The following LSM14B variants were observed in gnomAD, a reference collection of about 807,000 sequenced individuals.
The protein encoded by LSM14B is protein LSM14 homolog B.
In LSM14B, 8 loss-of-function variants were observed where a neutral mutation model predicts 42.1. The ratio of observed to expected loss-of-function variants is 0.19; its 90% CI spans 0.11 to 0.34. The LOEUF (loss-of-function observed/expected upper bound fraction) is 0.34, where lower values mean the gene tolerates loss of function less well. LSM14B is among the 10% of genes least tolerant of loss of function. The probability of loss-of-function intolerance (pLI) is 1.00; values close to 1 mark genes in which losing one functional copy is unlikely to be tolerated. For missense variants in LSM14B, 396 were observed against 513.1 expected, an observed-to-expected ratio of 0.77 and a Z score of 2.21; for synonymous variants, 219 against 209.7, an observed-to-expected ratio of 1.04 and a Z score of -0.38.
intron 7 of LSM14B, among the ~76,000 whole-genome samples, chr20:62,132,499 C>T (rs2056795476): frequency 6.6e-6 from 1 of 152,170 alleles, no homozygotes; most frequent in Non-Finnish European, 1.5e-5. Flanking sequence ...GCACAGGTGG[C>T]TTGGAACCAG....
In LSM14B at chr20:62,122,613, GCCGCGGCCCGGCGCTCCTTCCCCA is replaced by G. The variant is rs978786076; in HGVS notation, c.-43_-20del. On this transcript the variant is annotated 5_prime_UTR_variant, in exon 1 of 9. Transcript: ENST00000279068. This position sits in a 1 kb window ranked among gnomAD's most constrained non-coding sequence, Gnocchi z 4.6. ...AGGCCACCGCGCGGCGGCGGAGCGG[GCCGCGGCCCGGCGCTCCTTCCCCA>G]CCGCGGCCCGACGCACCCCGGCCGC... is the stretch of plus-strand genomic sequence containing the variant. 37 of 1,107,352 alleles carry G rather than the reference GCCGCGGCCCGGCGCTCCTTCCCCA, an allele frequency of 3.3e-5. No homozygotes were observed. The highest frequency in any genetic ancestry group is 7.3e-5 in the East Asian group (1 of 13,774). The allele number at this position is 1,107,352 out of a possible 1,614,324, so 68.6% of individuals were successfully genotyped here.
At position 62,122,619 on chromosome 20, in the gene LSM14B, G is replaced by T; in HGVS notation, c.-48G>T. On this transcript the variant is annotated 5_prime_UTR_variant, in exon 1 of 9. Transcript: ENST00000279068. This position sits in a 1 kb window ranked among gnomAD's most constrained non-coding sequence, Gnocchi z 4.6. The stretch of plus-strand genomic sequence containing the variant: ...CCGCGCGGCGGCGGAGCGGGCCGCG[G>T]CCCGGCGCTCCTTCCCCACCGCGGC... The T allele has an allele frequency of 8.4e-7, 1 of 1,187,844 alleles. No homozygotes were observed. The highest frequency in any genetic ancestry group is 1.1e-6 in the Non-Finnish European group (1 of 937,490). The allele number at this position is 1,187,844 out of a possible 1,614,324, so 73.6% of individuals were successfully genotyped here. A position where few individuals can be genotyped will look rare whatever the true frequency, so the allele number is the denominator to read the frequency against.
intron 8 of LSM14B, 101 bp from the exon 9 acceptor site, chr20:62,134,062 C>T: frequency 2.7e-6 from 1 of 367,382 alleles, no homozygotes; most frequent in Admixed American, 3.8e-5. Context: ...GCCAGTCTGA[C>T]TCTGGGGGCA....
At chr20:62,127,369 G>A (rs924345389) in intron 3 of LSM14B, among the ~76,000 whole-genome samples, 1 of 152,204 alleles carries the variant, frequency 6.6e-6, no homozygotes, top group African/African-American at 2.4e-5. Flanking sequence ...AGGTCTGTAG[G>A]CCACTTGCTG....
Position 62,134,321 on chromosome 20 carries a change from G to A in LSM14B, c.*173G>A. 1 of 471,864 alleles carries A rather than the reference G, an allele frequency of 2.1e-6. No homozygotes were observed. Among genetic ancestry groups the A allele is most frequent in the Non-Finnish European group, 4.4e-6 (1 of 227,206 alleles). 29.2% of individuals were successfully genotyped at this position (471,864 alleles called of 1,614,324 possible). Reference sequence around the variant, plus strand: ...TTAACTGAACTTGGACATGGTCTGAGTTAGAACCACTTGTTTTGGGGAAGT... The same window carrying A: ...TTAACTGAACTTGGACATGGTCTGAATTAGAACCACTTGTTTTGGGGAAGT... On this transcript the variant is annotated 3_prime_UTR_variant, in exon 9 of 9. Transcript: ENST00000279068.
In LSM14B at chr20:62,133,608, G is replaced by A. The variant is rs1238516544; in HGVS notation, c.*14+133G>A. ...GGCCCAGAGGTGTCAAAGCCAAACC[G>A]AGGGCCTCGACCCTATGAGTCACCC... On this transcript the variant is annotated intron_variant, in intron 8 of 8. Coordinates refer to ENST00000279068, the MANE Select transcript of LSM14B (RefSeq NM_144703.3). 27 of 1,035,982 alleles carry A rather than the reference G, an allele frequency of 2.6e-5. No individual in the cohort carries two copies. The Middle Eastern group carries it at 1.6e-3, about 60-fold the overall frequency. 64.2% of individuals were successfully genotyped at this position (1,035,982 alleles called of 1,614,324 possible). A position where few individuals can be genotyped will look rare whatever the true frequency, so the allele number is the denominator to read the frequency against.
chr20:62,126,200 C>CT (rs2056595695), intron 2 of LSM14B, 104 bp from the exon 3 acceptor site: 1 of 1,552,798 alleles, frequency 6.4e-7, no homozygotes, highest in East Asian at 2.3e-5. Context: ...AGGGTGCAGG[C>CT]TGATGGGACG....
In LSM14B at chr20:62,130,297, G is replaced by A; in HGVS notation, c.673+1G>A. 6.3e-7 allele frequency: 1 copy of A among 1,588,892 alleles called. No individual in the cohort carries two copies. The highest frequency in any genetic ancestry group is 8.6e-7 in the Non-Finnish European group (1 of 1,167,638). ...AGAAGACCTCAGAGGAGGCGATCAG[G>A]TAACACCTGTTGCCACTTGATTTCT... On this transcript the variant is annotated splice_donor_variant, in intron 5 of 8. Transcript: ENST00000279068. LOFTEE classifies it high-confidence loss of function. The surrounding 1 kb of genome is among the most constrained non-coding windows in gnomAD (Gnocchi z 4.1).
intron 3 of LSM14B, chr20:62,128,957 T>TA: frequency 7.7e-7 from 1 of 1,304,242 alleles, no homozygotes; most frequent in Non-Finnish European, 1.0e-6. Flanking sequence ...TCTGTTCACT[T>TA]ACACCCAGTC....
Position 62,122,509 on chromosome 20 carries a change from G to C in LSM14B, c.-158G>C, listed in dbSNP as rs936360044. ...CCCCTTCTTGGTTCGCTCGGTGCCC[G>C]CGCAGGCCCCTCGGGCGGTGGCGAG... On this transcript the variant is annotated 5_prime_UTR_variant, in exon 1 of 9. Coordinates refer to ENST00000279068, the MANE Select transcript of LSM14B (RefSeq NM_144703.3). This position sits in a 1 kb window ranked among gnomAD's most constrained non-coding sequence, Gnocchi z 4.6. The C allele has an allele frequency of 2.2e-4, 92 of 414,574 alleles. No homozygotes were observed. The highest frequency in any genetic ancestry group is 1.9e-3 in the African/African-American group (89 of 46,006). The allele number at this position is 414,574 out of a possible 1,614,324, so 25.7% of individuals were successfully genotyped here.
chr20:62,123,544 C>G (rs557697652), intron 1 of LSM14B: 1 of 152,368 alleles, frequency 6.6e-6, no homozygotes, highest in East Asian at 1.9e-4. Flanking sequence ...GTCAGAATCT[C>G]TGAGGTTGTT....
At chr20:62,123,781 C>T (rs1386529691) in intron 1 of LSM14B, among the ~76,000 whole-genome samples, 1 of 152,206 alleles carries the variant, frequency 6.6e-6, no homozygotes, top group African/African-American at 2.4e-5. Context: ...GCACTCATTC[C>T]AAACAGGGAG....
intron 3 of LSM14B, 85 bp from the exon 4 acceptor site, chr20:62,129,700 A>T: frequency 7.2e-7 from 1 of 1,389,224 alleles, no homozygotes; most frequent in Non-Finnish European, 9.6e-7. Flanking sequence ...CCTTCCTGAC[A>T]TGCCAGCAGA....
Position 62,133,537 on chromosome 20 carries a change from A to G in LSM14B, c.*14+62A>G, listed in dbSNP as rs2056826706. The stretch of plus-strand genomic sequence containing the variant: ...GGTGTAGGGTCAGGCACACCTGGAG[A>G]GCTTAGGAAGGTGGGGAGCAGGCTC... On this transcript the variant is annotated intron_variant, in intron 8 of 8. Transcript: ENST00000279068. 7.2e-6 allele frequency: 11 copies of G among 1,533,148 alleles called. 1 individual carries two copies. The South Asian group carries it at 1.3e-4, about 18-fold the overall frequency. The allele number at this position is 1,533,148 out of a possible 1,614,324, so 95.0% of individuals were successfully genotyped here.
At position 62,122,521 on chromosome 20, in the gene LSM14B, C is replaced by T. The variant is rs1416579310; in HGVS notation, c.-146C>T. Reference sequence around the variant, plus strand: ...TCGCTCGGTGCCCGCGCAGGCCCCTCGGGCGGTGGCGAGGAGGCGCCCAGG... The same window carrying T: ...TCGCTCGGTGCCCGCGCAGGCCCCTTGGGCGGTGGCGAGGAGGCGCCCAGG... On this transcript the variant is annotated 5_prime_UTR_variant, in exon 1 of 9. Transcript: ENST00000279068. This position sits in a 1 kb window ranked among gnomAD's most constrained non-coding sequence, Gnocchi z 4.6. 3.4e-5 allele frequency: 17 copies of T among 497,008 alleles called. No homozygotes were observed. Among genetic ancestry groups the T allele is most frequent in the Non-Finnish European group, 4.4e-5 (17 of 383,818 alleles). 30.8% of individuals were successfully genotyped at this position (497,008 alleles called of 1,614,324 possible).
chr20:62,123,417 TCTC>T (rs1477047261), intron 1 of LSM14B: 2 of 152,388 alleles, frequency 1.3e-5, no homozygotes, highest in Admixed American at 6.5e-5. Context: ...TTTAAACGGT[TCTC>T]CTGCTCTATC....
chr20:62,126,941 G>C (rs2056624785), intron 3 of LSM14B, among the ~76,000 whole-genome samples: 1 of 152,174 alleles, frequency 6.6e-6, no homozygotes, highest in South Asian at 2.1e-4. Context: ...AGGTTGCAGT[G>C]AACTGAGATT....
At position 62,124,740 on chromosome 20, in the gene LSM14B, A is replaced by G. The variant is rs752446088; in HGVS notation, c.251A>G (p.Lys84Arg). Residue 84 changes from lysine to arginine, a missense_variant, in exon 2 of 9, where the codon AAA (lysine) becomes AGA (arginine). By Grantham distance (26) the Lys-to-Arg change is conservative (BLOSUM62 2). Transcript: ENST00000279068. ...GATATCACTGTGTGTGAACCTCCGA[A>G]AGCTCAGCACACACTCCCGCAGGAT... ...IKDITVCEPP[K>R]AQHTLPQDPA... 3.7e-6 allele frequency: 6 copies of G among 1,613,712 alleles called. No homozygotes were observed. The highest frequency in any genetic ancestry group is 2.7e-5 in the African/African-American group (2 of 74,996).
chr20:62,130,722 G>A lies in LSM14B; in HGVS notation c.835+31G>A. On this transcript the variant is annotated intron_variant, in intron 6 of 8. Transcript: ENST00000279068. The surrounding 1 kb of genome is among the most constrained non-coding windows in gnomAD (Gnocchi z 4.1). The stretch of plus-strand genomic sequence containing the variant: ...GCTCATTATATGAAAATTATTCTCT[G>A]CACAGGAGTACCCCTAGAGAGTGTT... 6.2e-7 allele frequency: 1 copy of A among 1,604,706 alleles called. No homozygotes were observed. The highest frequency in any genetic ancestry group is 8.5e-7 in the Non-Finnish European group (1 of 1,176,398).
Sources: allele counts gnomAD v4.1 joint callset (sites outside exome capture counted in the v4.1 genomes callset), GRCh38; gene constraint gnomAD v4.1.1; non-coding constraint Gnocchi (gnomAD v3.1); transcripts MANE v1.5; gene names NCBI Gene and HGNC (gene_info 2026-07-23, HGNC 2026-07-21).